The following ABHD13 variants were observed in gnomAD, a reference collection of about 807,000 sequenced individuals.
ABHD13 encodes protein ABHD13.
ABHD13 carries 7 observed loss-of-function variants against 25.2 expected under a neutral mutation model. The ratio of observed to expected loss-of-function variants is 0.28; its 90% confidence interval spans 0.16 to 0.52. The LOEUF (loss-of-function observed/expected upper bound fraction) is 0.52, where lower values mean the gene tolerates loss of function less well. Among genes scored for constraint, ABHD13 ranks in the 20% least tolerant of loss-of-function variants. ABHD13 has a pLI of 0.96. For synonymous variants in ABHD13, 133 were observed against 136.1 expected, an observed-to-expected ratio of 0.98 and a Z score of 0.16; for missense variants, 302 against 402.7, an observed-to-expected ratio of 0.75 and a Z score of 2.14.
intron 1 of ABHD13, among the ~76,000 whole-genome samples, chr13:108,226,686 CTG>C (rs1355120364): frequency 6.6e-6 from 1 of 152,170 alleles, no homozygotes; most frequent in Non-Finnish European, 1.5e-5. Flanking sequence ...TTTCTATTGA[CTG>C]TCATAACATC....
In ABHD13 at chr13:108,229,735, T is replaced by A; in HGVS notation, c.517T>A (p.Leu173Ile). Residue 173 changes from leucine (L) to isoleucine (I), a missense_variant, in exon 2 of 2, where the codon TTA becomes ATA. Physicochemically the swap from Leu to Ile is conservative, Grantham distance 5. Transcript: ENST00000375898. This position sits in a 1 kb window ranked among gnomAD's most constrained non-coding sequence, Gnocchi z 4.7. ...ACTCTACTTAGATTCTGAAGCTGTG[T>A]TAGACTACGTGATGACTAGACCTGA... Reference protein sequence around the residue: ...EGLYLDSEAVLDYVMTRPDLD... With the variant: ...EGLYLDSEAVIDYVMTRPDLD... 1 of 1,613,378 alleles carries A rather than the reference T, an allele frequency of 6.2e-7. No individual in the cohort carries two copies. Among genetic ancestry groups the A allele is most frequent in the Non-Finnish European group, 8.5e-7 (1 of 1,179,508 alleles).
chr13:108,228,673 G>A (rs1566381188), intron 1 of ABHD13, among the ~76,000 whole-genome samples: 1 of 150,040 alleles, frequency 6.7e-6, no homozygotes, highest in Admixed American at 6.7e-5. Context: ...GAAAAAAATT[G>A]ACAAAGTATA....
At chr13:108,219,998 A>G (rs1425107680) in intron 1 of ABHD13, among the ~76,000 whole-genome samples, 1 of 152,186 alleles carries the variant, frequency 6.6e-6, no homozygotes, top group Non-Finnish European at 1.5e-5. Flanking sequence ...TATAGTACAT[A>G]ATTAAGTAAT....
rs138545969 is a variant in ABHD13 at position 108,229,407 on chromosome 13, A to T, written c.189A>T (p.Val63=). The T allele has an allele frequency of 2.1e-4, 345 of 1,612,402 alleles. 2 individuals carry two copies. The East Asian group carries it at 7.6e-3, about 36-fold the overall frequency. ...GTATTCTGTATAAATTCCAGGATGTATTGCTTTATTTTCCAGAACAGCCAT... is the reference window on the plus strand; with the variant it reads ...GTATTCTGTATAAATTCCAGGATGTTTTGCTTTATTTTCCAGAACAGCCAT... The part of the protein sequence containing the change: ...IAGILYKFQD[V]LLYFPEQPSS... Residue 63 remains valine (V), a synonymous_variant, in exon 2 of 2, where the codon GTA becomes GTT. Coordinates refer to ENST00000375898, the MANE Select transcript of ABHD13 (RefSeq NM_032859.3). This position sits in a 1 kb window ranked among gnomAD's most constrained non-coding sequence, Gnocchi z 4.7.
chr13:108,223,046 T>C (rs979037624), intron 1 of ABHD13, among the ~76,000 whole-genome samples: 1 of 152,246 alleles, frequency 6.6e-6, no homozygotes, highest in African/African-American at 2.4e-5. Flanking sequence ...GAAACCTACA[T>C]CAGAGAAATT....
rs745987804 is a variant in ABHD13, at chr13:108,229,637, ACCTCAAAGTTAAC to A, written c.421_433del (p.Leu141PhefsTer23). Reference sequence around the variant, plus strand: ...CCAAATGCATTACTTATGTTGGTTAACCTCAAAGTTAACCTTTTGCTGGTTGATTATCGAGGAT... The same window carrying A: ...CCAAATGCATTACTTATGTTGGTTAACTTTTGCTGGTTGATTATCGAGGAT... On this transcript the variant is annotated frameshift_variant, in exon 2 of 2. Coordinates refer to ENST00000375898, the MANE Select transcript of ABHD13 (RefSeq NM_032859.3). LOFTEE classifies it high-confidence loss of function. This position sits in a 1 kb window ranked among gnomAD's most constrained non-coding sequence, Gnocchi z 4.7. 6.2e-7 allele frequency: 1 copy of A among 1,613,380 alleles called. No homozygotes were observed. Among genetic ancestry groups the A allele is most frequent in the Non-Finnish European group, 8.5e-7 (1 of 1,179,588 alleles).
intron 1 of ABHD13, among the ~76,000 whole-genome samples, chr13:108,222,979 C>T (rs952422935): frequency 2.0e-5 from 3 of 152,178 alleles, no homozygotes; most frequent in African/African-American, 7.2e-5. Flanking sequence ...CTCGTTGGTA[C>T]GACTCCATCA....
At chr13:108,220,208 C>T (rs1301240566) in intron 1 of ABHD13, among the ~76,000 whole-genome samples, 2 of 152,204 alleles carry the variant, frequency 1.3e-5, no homozygotes, top group Non-Finnish European at 2.9e-5. Flanking sequence ...CACCACACTG[C>T]CTCCCACTGA....
chr13:108,220,094 CT>C (rs1457253830), intron 1 of ABHD13, among the ~76,000 whole-genome samples: 3 of 152,184 alleles, frequency 2.0e-5, no homozygotes, highest in African/African-American at 7.2e-5. Context: ...TTTCATCCTC[CT>C]TTTACATACG....
chr13:108,221,055 G>A (rs968352238), intron 1 of ABHD13, among the ~76,000 whole-genome samples: 4 of 152,162 alleles, frequency 2.6e-5, no homozygotes, highest in Non-Finnish European at 5.9e-5. Flanking sequence ...TATTTGCCAA[G>A]ATTTTCAAGC....
rs115115332 is a variant in ABHD13, at chr13:108,228,314, C to G, written c.-20-885C>G. On this transcript the variant is annotated intron_variant, in intron 1 of 1. Transcript: ENST00000375898. ...TCAGAGGATTTCTGTGTATTTGTTT[C>G]ACACTGAACCCTCAAGTATTTATTG... Among the ~76,000 whole-genome samples the G allele has an allele frequency of 1.6e-3, 245 of 151,948 alleles. 1 individual carries two copies. The highest frequency in any genetic ancestry group is 5.7e-3 in the African/African-American group (238 of 41,496).
At chr13:108,219,233 A>G (rs1879485515) in intron 1 of ABHD13, among the ~76,000 whole-genome samples, 2 of 152,170 alleles carry the variant, frequency 1.3e-5, no homozygotes, top group South Asian at 4.1e-4. Context: ...GGAAACATCA[A>G]AAAAGCACCC....
rs1282495822 is a variant in ABHD13, at chr13:108,230,682, A to G, written c.*450A>G. The G allele has an allele frequency of 2.3e-5, 4 of 170,666 alleles. No homozygotes were observed. The highest frequency in any genetic ancestry group is 2.0e-4 in the South Asian group (1 of 5,112). 10.6% of individuals were successfully genotyped at this position (170,666 alleles called of 1,614,324 possible). ...CCTTAAAAGTTAAATGAAATGCATG[A>G]TGGTATTTTATTCCTTGAATTATGC... On this transcript the variant is annotated 3_prime_UTR_variant, in exon 2 of 2. Transcript: ENST00000375898.
At position 108,218,427 on chromosome 13, in the gene ABHD13, G is replaced by C. The variant is rs960122734; in HGVS notation, c.-253G>C. ...GGGTTCCCACTCCGGGAGCGGAGAC[G>C]GAGAACAGGTTATGTGGGAGCCGGC... On this transcript the variant is annotated 5_prime_UTR_variant, in exon 1 of 2. Transcript: ENST00000375898. 6.6e-6 allele frequency: 1 copy of C among 152,218 alleles called. No individual in the cohort carries two copies. The highest frequency in any genetic ancestry group is 1.5e-5 in the Non-Finnish European group (1 of 68,054). The allele number at this position is 152,218 out of a possible 1,614,324, so 9.4% of individuals were successfully genotyped here.
intron 1 of ABHD13, among the ~76,000 whole-genome samples, chr13:108,227,217 G>A (rs972663760): frequency 2.6e-5 from 4 of 151,844 alleles, no homozygotes; most frequent in South Asian, 2.1e-4. Context: ...AAACAAATAC[G>A]CCCATTTTTC....
chr13:108,228,599 T>C lies in ABHD13; in HGVS notation c.-20-600T>C, dbSNP rs1022579419. On this transcript the variant is annotated intron_variant, in intron 1 of 1. Coordinates refer to ENST00000375898, the MANE Select transcript of ABHD13 (RefSeq NM_032859.3). ...ATTCTTTCTTTCCCTAGTTGTTTTT[T>C]TTTGTTTTATTTTGTTTTGCCCAAC... Among the ~76,000 whole-genome samples the C allele has an allele frequency of 5.3e-5, 8 of 151,966 alleles. No individual in the cohort carries two copies. The East Asian group carries it at 1.2e-3, about 22-fold the overall frequency.
At chr13:108,221,721 A>T (rs755304484) in intron 1 of ABHD13, among the ~76,000 whole-genome samples, 3 of 152,146 alleles carry the variant, frequency 2.0e-5, no homozygotes, top group Non-Finnish European at 4.4e-5. Context: ...CCTTTTGCCA[A>T]ATTGTTTTTC....
intron 1 of ABHD13, among the ~76,000 whole-genome samples, chr13:108,226,981 G>A (rs1879687522): frequency 6.6e-6 from 1 of 151,978 alleles, no homozygotes; most frequent in Non-Finnish European, 1.5e-5. Context: ...CCATACCCAC[G>A]CACTCCGCCA....
rs772260350 is a variant in ABHD13, at chr13:108,229,552, C to T, written c.334C>T (p.Pro112Ser). The stretch of plus-strand genomic sequence containing the variant: ...GATACGATACACTGGAGACAATTCA[C>T]CCTATTCCCCAACTATAATTTATTT... Reference protein sequence around the residue: ...ILIRYTGDNSPYSPTIIYFHG... With the variant: ...ILIRYTGDNSSYSPTIIYFHG... The change falls in exon 2 of 2, where the codon CCC becomes TCC. Residue 112 changes from proline to serine, a missense_variant. Pro to Ser is a moderately conservative substitution (Grantham distance 74, BLOSUM62 -1). Coordinates refer to ENST00000375898, the MANE Select transcript of ABHD13 (RefSeq NM_032859.3). The surrounding 1 kb of genome is among the most constrained non-coding windows in gnomAD (Gnocchi z 4.7). 118 of 1,613,340 alleles carry T rather than the reference C, an allele frequency of 7.3e-5. No homozygotes were observed. In the South Asian group the frequency reaches 1.0e-3, roughly 14 times the overall value.
Sources: allele counts gnomAD v4.1 joint callset (sites outside exome capture counted in the v4.1 genomes callset), GRCh38; gene constraint gnomAD v4.1.1; non-coding constraint Gnocchi (gnomAD v3.1); transcripts MANE v1.5; gene names NCBI Gene and HGNC (gene_info 2026-07-23, HGNC 2026-07-21).